CNTN5: variants seen among roughly 807,000 people sequenced by gnomAD.
CNTN5 encodes the protein contactin-5.
In CNTN5, 77 loss-of-function variants were observed where a neutral mutation model predicts 129.1. The observed-to-expected ratio is 0.60, with a 90% confidence interval of 0.50 to 0.72. The LOEUF is 0.72. Ranked by LOEUF, CNTN5 falls within the 30% of genes least tolerant of loss-of-function variation. The pLI is 0.00. For missense variants in CNTN5, 1,478 were observed against 1,328.8 expected, an observed-to-expected ratio of 1.11 and a Z score of -1.75; for synonymous variants, 509 against 465.6, an observed-to-expected ratio of 1.09 and a Z score of -1.20.
chr11:99,747,596 A>G (rs1366536806), intron 3 of CNTN5, among the ~76,000 whole-genome samples: 1 of 150,846 alleles, frequency 6.6e-6, no homozygotes, highest in Non-Finnish European at 1.5e-5. Flanking sequence ...CTCCCTCTCG[A>G]GTAGGTGGGA....
At chr11:99,507,876 A>C (rs924354622) in intron 2 of CNTN5, among the ~76,000 whole-genome samples, 1 of 152,220 alleles carries the variant, frequency 6.6e-6, no homozygotes, top group African/African-American at 2.4e-5. Flanking sequence ...TAAGTTCAAG[A>C]TAAATAACTA....
At chr11:99,679,104 A>C (rs1197044949) in intron 3 of CNTN5, among the ~76,000 whole-genome samples, 2 of 146,648 alleles carry the variant, frequency 1.4e-5, no homozygotes, top group Admixed American at 6.9e-5. Context: ...ACACATATAT[A>C]GGAAATATAT....
intron 7 of CNTN5, among the ~76,000 whole-genome samples, chr11:99,925,206 T>C (rs1000021772): frequency 6.6e-6 from 1 of 152,174 alleles, no homozygotes; most frequent in Non-Finnish European, 1.5e-5. Flanking sequence ...GTATGTACAT[T>C]GGATCTCAGA....
At chr11:99,474,322 C>T (rs1273353113) in intron 2 of CNTN5, among the ~76,000 whole-genome samples, 1 of 151,964 alleles carries the variant, frequency 6.6e-6, no homozygotes, top group East Asian at 1.9e-4. Context: ...AAATACCCAT[C>T]CTCTGCGTCT....
Position 99,790,052 on chromosome 11 carries a change from A to G in CNTN5, c.56-29492A>G, listed in dbSNP as rs537679538. 9.9e-5 allele frequency among the ~76,000 whole-genome samples: 15 copies of G among 152,138 alleles called. No individual in the cohort carries two copies. The East Asian group carries it at 2.7e-3, about 27-fold the overall frequency. Reference sequence around the variant, plus strand: ...TTTTTGGTTTTCTGTTGCTGTGTTAATTCACTTAAGATAATGGCCTCCAGC... The same window carrying G: ...TTTTTGGTTTTCTGTTGCTGTGTTAGTTCACTTAAGATAATGGCCTCCAGC... On this transcript the variant is annotated intron_variant, in intron 3 of 24. Coordinates refer to ENST00000524871, the MANE Select transcript of CNTN5 (RefSeq NM_014361.4).
At chr11:99,130,961 G>A (rs1858901115) in intron 1 of CNTN5, among the ~76,000 whole-genome samples, 1 of 152,102 alleles carries the variant, frequency 6.6e-6, no homozygotes, top group African/African-American at 2.4e-5. Flanking sequence ...AGCTAAAGCA[G>A]TGTTAAGAGG....
rs555288276 is a variant in CNTN5 at position 99,784,120 on chromosome 11, CATCA to C, written c.56-35423_56-35420del. Reference sequence around the variant, plus strand: ...GAAGATGAACAAAATCCCTGAAAGTCATCAGTCAACCCAGGTTCAGAACTTTTTA... The same window carrying C: ...GAAGATGAACAAAATCCCTGAAAGTCGTCAACCCAGGTTCAGAACTTTTTA... On this transcript the variant is annotated intron_variant, in intron 3 of 24. Transcript: ENST00000524871. Among the ~76,000 whole-genome samples the C allele has an allele frequency of 1.3e-3, 203 of 152,178 alleles. 1 individual carries two copies. The highest frequency in any genetic ancestry group is 4.8e-3 in the African/African-American group (198 of 41,540).
intron 2 of CNTN5, among the ~76,000 whole-genome samples, chr11:99,354,733 T>C (rs1007355838): frequency 2.0e-5 from 3 of 152,118 alleles, no homozygotes; most frequent in Non-Finnish European, 4.4e-5. Context: ...CCTCCCTACT[T>C]CCACCATTGC....
chr11:99,041,438 T>C (rs1441656886), intron 1 of CNTN5, among the ~76,000 whole-genome samples: 1 of 152,176 alleles, frequency 6.6e-6, no homozygotes, highest in Admixed American at 6.5e-5. Flanking sequence ...CACACTTCAC[T>C]CATTTGTATG....
chr11:99,416,180 T>A (rs1247379722), intron 2 of CNTN5, among the ~76,000 whole-genome samples: 1 of 152,202 alleles, frequency 6.6e-6, no homozygotes, highest in African/African-American at 2.4e-5. Flanking sequence ...TTATTGGTGT[T>A]TCTTGGACAG....
intron 3 of CNTN5, among the ~76,000 whole-genome samples, chr11:99,769,826 AAAAC>A (rs1341451423): frequency 6.6e-6 from 1 of 151,904 alleles, no homozygotes; most frequent in Non-Finnish European, 1.5e-5. Context: ...AAAAAAAAAA[AAAAC>A]AATCTGATTT....
intron 3 of CNTN5, among the ~76,000 whole-genome samples, chr11:99,769,464 C>T (rs1482449336): frequency 6.6e-6 from 1 of 151,984 alleles, no homozygotes; most frequent in African/African-American, 2.4e-5. Context: ...TTTTCCTCAC[C>T]TCTCTCACTC....
chr11:99,662,478 A>T, intron 3 of CNTN5, among the ~76,000 whole-genome samples: 1 of 151,548 alleles, frequency 6.6e-6, no homozygotes, highest in East Asian at 1.9e-4. Context: ...TTTAAAACGT[A>T]ACAATGGTTA....
At chr11:100,336,306 G>A (rs1358381140) in intron 21 of CNTN5, among the ~76,000 whole-genome samples, 1 of 152,112 alleles carries the variant, frequency 6.6e-6, no homozygotes, top group Non-Finnish European at 1.5e-5. Context: ...TATTTGCACG[G>A]CAGCATTTTA....
intron 16 of CNTN5, among the ~76,000 whole-genome samples, chr11:100,229,382 C>G (rs2138643385): frequency 6.6e-6 from 1 of 152,254 alleles, no homozygotes; most frequent in African/African-American, 2.4e-5. Context: ...AGCTGACTTA[C>G]CTTTTAGCTA....
intron 13 of CNTN5, among the ~76,000 whole-genome samples, chr11:100,149,234 G>A (rs1946963328): frequency 6.6e-6 from 1 of 152,106 alleles, no homozygotes; most frequent in Non-Finnish European, 1.5e-5. Flanking sequence ...TCATATGAAA[G>A]TACAAAAAGT....
intron 2 of CNTN5, among the ~76,000 whole-genome samples, chr11:99,483,392 G>A (rs1945681930): frequency 6.6e-6 from 1 of 152,030 alleles, no homozygotes; most frequent in Admixed American, 6.6e-5. Flanking sequence ...TACTGGAGTT[G>A]TGCGCATGCT....
intron 1 of CNTN5, among the ~76,000 whole-genome samples, chr11:99,043,566 G>T (rs1864093171): frequency 6.6e-6 from 1 of 152,124 alleles, no homozygotes; most frequent in Non-Finnish European, 1.5e-5. Flanking sequence ...AGACTACAGG[G>T]AGCTTCCTAT....
chr11:99,041,276 A>G (rs971422295), intron 1 of CNTN5, among the ~76,000 whole-genome samples: 41 of 152,198 alleles, frequency 2.7e-4, no homozygotes, highest in African/African-American at 9.9e-4. Flanking sequence ...CAAGGCCTCT[A>G]TCCTTCTGAT....
Sources: gnomAD v4.1 joint callset for allele counts (sites outside exome capture counted in the v4.1 genomes callset) on GRCh38, gnomAD v4.1.1 for gene constraint, MANE v1.5 for transcripts, NCBI Gene and HGNC (gene_info 2026-07-23, HGNC 2026-07-21) for gene names.